The following PCDHA8 variants were observed in gnomAD, a reference collection of about 807,000 sequenced individuals.
PCDHA8 encodes protocadherin alpha 8.
PCDHA8 carries 53 observed loss-of-function variants against 61.8 expected under a neutral mutation model. The ratio of observed to expected loss-of-function variants is 0.86; its 90% CI spans 0.69 to 1.08. PCDHA8 has a LOEUF of 1.08. Ranked by LOEUF, PCDHA8 falls within the 50% of genes least tolerant of loss-of-function variation. PCDHA8 has a pLI of 0.00. For synonymous variants in PCDHA8, 618 were observed against 556.6 expected (o/e 1.11, Z -1.55); for missense variants, 1,293 against 1,245.0 (o/e 1.04, Z -0.58).
chr5:140,961,985 G>A (rs782724308), intron 1 of PCDHA8, among the ~76,000 whole-genome samples: 30 of 151,692 alleles, frequency 2.0e-4, no homozygotes, highest in Non-Finnish European at 4.0e-4. Context: ...CTGGGTTCAC[G>A]CCATTGTCCT....
intron 1 of PCDHA8, chr5:140,928,859 T>G (rs782758888): frequency 1.2e-6 from 2 of 1,614,176 alleles, no homozygotes; most frequent in Non-Finnish European, 1.7e-6. Flanking sequence ...GGTGTGCTGT[T>G]GAGCAACTCT....
chr5:140,992,485 A>T (rs1234957114), intron 3 of PCDHA8, among the ~76,000 whole-genome samples: 1 of 152,208 alleles, frequency 6.6e-6, no homozygotes, highest in Non-Finnish European at 1.5e-5. Flanking sequence ...CCCAGAGGCC[A>T]ATCTGTAAGG....
At chr5:140,863,267 C>A in intron 1 of PCDHA8, 4 of 1,457,908 alleles carry the variant, frequency 2.7e-6, no homozygotes, top group Non-Finnish European at 2.8e-6. Context: ...CGGGAGGCAG[C>A]GCTGGTGGAT....
chr5:140,942,591 T>C (rs1180688838), intron 1 of PCDHA8, among the ~76,000 whole-genome samples: 1 of 147,516 alleles, frequency 6.8e-6, no homozygotes, highest in East Asian at 2.0e-4. Context: ...ATGTCACATA[T>C]AATTATAGTG....
chr5:140,861,197 T>C (rs1203877900), intron 1 of PCDHA8: 1 of 162,270 alleles, frequency 6.2e-6, no homozygotes, highest in Non-Finnish European at 1.3e-5. Context: ...CATGAAATAT[T>C]GTTTTACTAA....
chr5:140,928,605 C>T, intron 1 of PCDHA8: 1 of 1,614,208 alleles, frequency 6.2e-7, no homozygotes, highest in South Asian at 1.1e-5. Flanking sequence ...AAATTGTGCC[C>T]CGCTCTGCCA....
chr5:140,912,445 A>C (rs1165607499), intron 1 of PCDHA8, among the ~76,000 whole-genome samples: 1 of 151,772 alleles, frequency 6.6e-6, no homozygotes, highest in African/African-American at 2.4e-5. Flanking sequence ...ATTTGTGTGC[A>C]TTGATTTTGT....
intron 1 of PCDHA8, among the ~76,000 whole-genome samples, chr5:140,886,636 G>A (rs555391002): frequency 2.6e-5 from 4 of 151,866 alleles, no homozygotes; most frequent in Non-Finnish European, 4.4e-5. Flanking sequence ...GACCAGCCTG[G>A]CCAACATGGT....
intron 1 of PCDHA8, chr5:140,860,693 G>C (rs2046523245): frequency 6.6e-6 from 1 of 152,204 alleles, no homozygotes; most frequent in Non-Finnish European, 1.5e-5. Context: ...TTGAGCGACA[G>C]GATATTGTTG....
At chr5:140,985,203 T>C (rs1274620928) in intron 3 of PCDHA8, among the ~76,000 whole-genome samples, 1 of 152,092 alleles carries the variant, frequency 6.6e-6, no homozygotes, top group Non-Finnish European at 1.5e-5. Flanking sequence ...TCCCAAAGTG[T>C]TGGGATTACA....
At chr5:140,932,755 GA>G (rs1554209056) in intron 1 of PCDHA8, among the ~76,000 whole-genome samples, 4 of 151,730 alleles carry the variant, frequency 2.6e-5, no homozygotes, top group Non-Finnish European at 5.9e-5. Context: ...AAAAAGGAAA[GA>G]AAAAGAACAT....
At chr5:140,877,380 C>T (rs372220347) in intron 1 of PCDHA8, 25 of 1,613,862 alleles carry the variant, frequency 1.5e-5, no homozygotes, top group Middle Eastern at 1.6e-4. Context: ...CGACACGCAT[C>T]CTGGATGAGG....
chr5:140,902,976 G>T (rs2069915302), intron 1 of PCDHA8, among the ~76,000 whole-genome samples: 1 of 152,140 alleles, frequency 6.6e-6, no homozygotes, highest in African/African-American at 2.4e-5. Flanking sequence ...GGGCATTTAG[G>T]TTGGTTCCAT....
At chr5:140,936,972 T>C (rs2091238144) in intron 1 of PCDHA8, among the ~76,000 whole-genome samples, 2 of 152,314 alleles carry the variant, frequency 1.3e-5, no homozygotes, top group South Asian at 4.1e-4. Context: ...TATAAAAATA[T>C]GAAGCTTGTT....
intron 1 of PCDHA8, among the ~76,000 whole-genome samples, chr5:140,918,454 C>A (rs1168986520): frequency 6.6e-6 from 1 of 152,158 alleles, no homozygotes; most frequent in Non-Finnish European, 1.5e-5. Context: ...CAGTGGGCAT[C>A]CTTGTCTTAT....
intron 3 of PCDHA8, among the ~76,000 whole-genome samples, chr5:140,988,691 G>A (rs1205492528): frequency 6.6e-6 from 1 of 152,114 alleles, no homozygotes; most frequent in African/African-American, 2.4e-5. Context: ...TTCCCTAGAC[G>A]CTCTGTATTT....
rs367948106 is a variant in PCDHA8 at position 140,876,049 on chromosome 5, G to A, written c.2394+32334G>A. On this transcript the variant is annotated intron_variant, in intron 1 of 3. Coordinates refer to ENST00000531613, the MANE Select transcript of PCDHA8 (RefSeq NM_018911.3). Reference sequence around the variant, plus strand: ...AAAAAAAGATAAAAGTATATTGCCTGAATTAGTTCTTCGGAAGTTATTGGA... The same window carrying A: ...AAAAAAAGATAAAAGTATATTGCCTAAATTAGTTCTTCGGAAGTTATTGGA... The A allele has an allele frequency of 3.6e-4, 586 of 1,613,784 alleles. No individual in the cohort carries two copies. The highest frequency in any genetic ancestry group is 4.9e-4 in the Non-Finnish European group (575 of 1,179,896).
intron 1 of PCDHA8, among the ~76,000 whole-genome samples, chr5:140,900,452 T>A (rs2068062293): frequency 6.6e-6 from 1 of 152,222 alleles, no homozygotes; most frequent in South Asian, 2.1e-4. Flanking sequence ...TAATTTTTTA[T>A]TTTTAGTAGA....
At chr5:140,868,478 A>G (rs2050491329) in intron 1 of PCDHA8, 2 of 152,364 alleles carry the variant, frequency 1.3e-5, no homozygotes, top group African/African-American at 2.4e-5. Flanking sequence ...TAAAACTTCA[A>G]TTTTTTCTTT....
Sources: allele counts gnomAD v4.1 joint callset (sites outside exome capture counted in the v4.1 genomes callset), GRCh38; gene constraint gnomAD v4.1.1; transcripts MANE v1.5; gene names NCBI Gene and HGNC (gene_info 2026-07-23, HGNC 2026-07-21).